Variants in ASCC1 observed in about 807,000 individuals in gnomAD.
ASCC1 encodes ASC-1 complex subunit P50.
Under a neutral mutation model 46.6 loss-of-function variants are expected in ASCC1, and 35 were observed. That is an observed-to-expected ratio of 0.75 (90% CI 0.57 to 0.99). The LOEUF (loss-of-function observed/expected upper bound fraction) is 0.99, where lower values mean the gene tolerates loss of function less well. ASCC1 is among the 50% of genes least tolerant of loss of function. The pLI, the probability that ASCC1 is intolerant of heterozygous loss-of-function variation, is 0.00. For synonymous variants in ASCC1, 143 were observed against 146.6 expected, an observed-to-expected ratio of 0.98 and a Z score of 0.18; for missense variants, 376 against 428.7, an observed-to-expected ratio of 0.88 and a Z score of 1.09.
At chr10:72,209,148 A>C (rs2133464441) in intron 3 of ASCC1, among the ~76,000 whole-genome samples, 1 of 151,638 alleles carries the variant, frequency 6.6e-6, no homozygotes, top group East Asian at 1.9e-4. Context: ...CTGGGTAACA[A>C]AGCAAAGCCC....
At chr10:72,192,944 C>T (rs564868316) in intron 5 of ASCC1, among the ~76,000 whole-genome samples, 1 of 152,314 alleles carries the variant, frequency 6.6e-6, no homozygotes, top group Non-Finnish European at 1.5e-5. Flanking sequence ...TGTCACTACA[C>T]AGCTATTAGA....
chr10:72,145,372 A>T (rs1847508424), intron 7 of ASCC1, among the ~76,000 whole-genome samples: 1 of 152,150 alleles, frequency 6.6e-6, no homozygotes, highest in African/African-American at 2.4e-5. Context: ...CTCATGCCCC[A>T]TCTATATCTG....
intron 5 of ASCC1, among the ~76,000 whole-genome samples, chr10:72,165,800 A>G (rs2132749120): frequency 6.6e-6 from 1 of 152,312 alleles, no homozygotes; most frequent in East Asian, 1.9e-4. Flanking sequence ...AGCTTCTCTA[A>G]CCCATGGCCT....
chr10:72,128,534 T>G (rs921482246), intron 8 of ASCC1, among the ~76,000 whole-genome samples: 2 of 152,214 alleles, frequency 1.3e-5, no homozygotes, highest in African/African-American at 2.4e-5. Context: ...TTCCTTATGT[T>G]CTATAGATCC....
chr10:72,174,336 AT>A (rs1851606411), intron 5 of ASCC1, among the ~76,000 whole-genome samples: 1 of 151,914 alleles, frequency 6.6e-6, no homozygotes, highest in Non-Finnish European at 1.5e-5. Context: ...AGTAGGAACA[AT>A]TAACAAGACA....
At chr10:72,127,871 C>T (rs1195622976) in intron 9 of ASCC1, among the ~76,000 whole-genome samples, 1 of 151,700 alleles carries the variant, frequency 6.6e-6, no homozygotes, top group Non-Finnish European at 1.5e-5. Flanking sequence ...AACAAATAAA[C>T]AAACAAACCA....
chr10:72,134,506 C>T (rs1220498923), intron 7 of ASCC1: 1 of 152,236 alleles, frequency 6.6e-6, no homozygotes, highest in East Asian at 1.9e-4. Context: ...AGAGTCCAAT[C>T]CTTCCTGACC....
intron 7 of ASCC1, chr10:72,133,862 C>G (rs1463744734): frequency 6.5e-6 from 1 of 153,724 alleles, no homozygotes; most frequent in Admixed American, 6.4e-5. Context: ...CAGTTCTAAG[C>G]ACTTTTTATC....
At chr10:72,208,302 G>T (rs1359984539) in intron 3 of ASCC1, among the ~76,000 whole-genome samples, 1 of 148,954 alleles carries the variant, frequency 6.7e-6, no homozygotes, top group African/African-American at 2.5e-5. Flanking sequence ...TTCACACCAA[G>T]ACCTGTTACA....
intron 9 of ASCC1, among the ~76,000 whole-genome samples, chr10:72,114,578 C>T (rs1018375853): frequency 4.8e-5 from 7 of 146,832 alleles, no homozygotes; most frequent in African/African-American, 7.7e-5. Context: ...TGAACTGGAT[C>T]GCACCACTGC....
chr10:72,213,521 C>T (rs529564871), intron 1 of ASCC1, among the ~76,000 whole-genome samples, 190 bp from the exon 2 acceptor site: 2 of 151,384 alleles, frequency 1.3e-5, no homozygotes, highest in South Asian at 4.2e-4. Context: ...TTCTACCACA[C>T]TGGCTCACTC....
intron 5 of ASCC1, among the ~76,000 whole-genome samples, chr10:72,185,952 T>C (rs961408797): frequency 2.6e-5 from 4 of 152,098 alleles, no homozygotes; most frequent in East Asian, 1.9e-4. Context: ...AACAGAAAGA[T>C]GCATGTACAG....
intron 5 of ASCC1, among the ~76,000 whole-genome samples, chr10:72,178,781 TC>T (rs1394267517): frequency 6.6e-6 from 1 of 152,074 alleles, no homozygotes; most frequent in Non-Finnish European, 1.5e-5. Flanking sequence ...AATAGAAAAC[TC>T]ATAAGGTAGG....
At chr10:72,178,849 C>T (rs981764217) in intron 5 of ASCC1, among the ~76,000 whole-genome samples, 1 of 152,096 alleles carries the variant, frequency 6.6e-6, no homozygotes, top group Admixed American at 6.6e-5. Context: ...CCCAAAAGCA[C>T]TTGACGTATT....
Position 72,136,533 on chromosome 10 carries a change from A to T in ASCC1, c.747-3352T>A, listed in dbSNP as rs139126220. Among the ~76,000 whole-genome samples, 636 of 152,290 alleles carry T rather than the reference A, an allele frequency of 4.2e-3. 6 individuals are homozygous for T. The highest frequency in any genetic ancestry group is 0.015 in the African/African-American group (607 of 41,558). ...AAAGATTATAAATGCACCCATCAGC[A>T]CTCTGTAAAATGGACCAATCAGAAT... On this transcript the variant is annotated intron_variant, in intron 7 of 9. Transcript: ENST00000672957.
chr10:72,140,063 T>C lies in ASCC1; in HGVS notation c.747-6882A>G, dbSNP rs80200565. Among the ~76,000 whole-genome samples, 166 of 152,326 alleles carry C rather than the reference T, an allele frequency of 1.1e-3. 2 individuals are homozygous for C. Among genetic ancestry groups the C allele is most frequent in the East Asian group, 8.9e-3 (46 of 5,192 alleles). On this transcript the variant is annotated intron_variant, in intron 7 of 9. Coordinates refer to ENST00000672957, the MANE Select transcript of ASCC1 (RefSeq NM_001198800.3). ...GACGGGCTTAGGATAAGAAGCTAAC[T>C]GCACTCAATGCATTTTTTTACATCA...
At chr10:72,135,924 G>C (rs1430749896) in intron 7 of ASCC1, among the ~76,000 whole-genome samples, 1 of 151,424 alleles carries the variant, frequency 6.6e-6, no homozygotes, top group African/African-American at 2.4e-5. Flanking sequence ...GGAAGGGCAG[G>C]CTGAAGCCAA....
At chr10:72,155,281 T>TA (rs1259107465) in intron 6 of ASCC1, among the ~76,000 whole-genome samples, 2 of 152,188 alleles carry the variant, frequency 1.3e-5, no homozygotes, top group Admixed American at 1.3e-4. Flanking sequence ...GTTAAAATTT[T>TA]AAAAAATATC....
intron 9 of ASCC1, among the ~76,000 whole-genome samples, chr10:72,122,768 G>A (rs1844362898): frequency 6.6e-6 from 1 of 151,410 alleles, no homozygotes; most frequent in Non-Finnish European, 1.5e-5. Context: ...ACAGAGCGAT[G>A]AGGCCCTATA....
Sources: allele counts gnomAD v4.1 joint callset (sites outside exome capture counted in the v4.1 genomes callset), GRCh38; gene constraint gnomAD v4.1.1; transcripts MANE v1.5; gene names NCBI Gene and HGNC (gene_info 2026-07-23, HGNC 2026-07-21).